CNTN4: variants seen among roughly 807,000 people sequenced by gnomAD.
CNTN4 encodes contactin-4.
A neutral mutation model predicts 122.5 loss-of-function variants in CNTN4; 77 were observed. That is an observed-to-expected ratio of 0.63 (90% CI 0.52 to 0.76). The LOEUF (loss-of-function observed/expected upper bound fraction) is 0.76. CNTN4 is among the 30% of genes least tolerant of loss of function. CNTN4 has a pLI of 0.00. For synonymous variants in CNTN4, 512 were observed against 447.0 expected (o/e 1.15, Z -1.83); for missense variants, 1,256 against 1,259.1 (o/e 1.00, Z 0.04).
intron 2 of CNTN4, among the ~76,000 whole-genome samples, chr3:2,233,598 T>C (rs567816636): frequency 6.6e-6 from 1 of 152,156 alleles, no homozygotes; most frequent in African/African-American, 2.4e-5. Flanking sequence ...AAATCAAATC[T>C]GTTGAGAATC....
At chr3:2,173,153 G>A (rs996732006) in intron 2 of CNTN4, among the ~76,000 whole-genome samples, 6 of 152,164 alleles carry the variant, frequency 3.9e-5, no homozygotes, top group African/African-American at 1.2e-4. Flanking sequence ...ATACAGTTGA[G>A]TACTTTGCCA....
intron 2 of CNTN4, among the ~76,000 whole-genome samples, chr3:2,118,143 A>G (rs2033491307): frequency 1.3e-5 from 2 of 152,226 alleles, no homozygotes; most frequent in Admixed American, 1.3e-4. Context: ...ATTTAAACCT[A>G]TAATAGTCCT....
At chr3:2,794,038 A>C (rs964328020) in intron 6 of CNTN4, among the ~76,000 whole-genome samples, 2 of 152,182 alleles carry the variant, frequency 1.3e-5, no homozygotes, top group Admixed American at 6.5e-5. Context: ...TTGTAGCATA[A>C]AGTTTACAGC....
intron 3 of CNTN4, among the ~76,000 whole-genome samples, chr3:2,528,739 TA>T (rs997169462): frequency 6.6e-6 from 1 of 152,098 alleles, no homozygotes; most frequent in Non-Finnish European, 1.5e-5. Flanking sequence ...TATTAGCCTT[TA>T]AAAAACTCTT....
chr3:2,437,583 T>G (rs900756052), intron 3 of CNTN4, among the ~76,000 whole-genome samples: 3 of 152,194 alleles, frequency 2.0e-5, no homozygotes, highest in Non-Finnish European at 4.4e-5. Context: ...TCTAAAAATT[T>G]TAACATGCAA....
chr3:2,556,601 A>G (rs2078730802), intron 3 of CNTN4, among the ~76,000 whole-genome samples: 1 of 152,168 alleles, frequency 6.6e-6, no homozygotes, highest in Non-Finnish European at 1.5e-5. Context: ...TAAGTTTTAT[A>G]TATGTGTGCA....
At chr3:2,249,642 G>A (rs1158894653) in intron 2 of CNTN4, among the ~76,000 whole-genome samples, 3 of 151,896 alleles carry the variant, frequency 2.0e-5, no homozygotes, top group Non-Finnish European at 4.4e-5. Flanking sequence ...AGAATTAAAT[G>A]GTGGGATAAA....
At chr3:2,710,949 A>C (rs759004733) in intron 4 of CNTN4, among the ~76,000 whole-genome samples, 23 of 152,230 alleles carry the variant, frequency 1.5e-4, no homozygotes, top group Non-Finnish European at 2.5e-4. Context: ...CAGAGAAGTC[A>C]GCTTTATCTA....
At chr3:2,481,157 T>C (rs949024290) in intron 3 of CNTN4, among the ~76,000 whole-genome samples, 3 of 151,056 alleles carry the variant, frequency 2.0e-5, no homozygotes, top group African/African-American at 7.3e-5. Context: ...CTTTGTTTTT[T>C]TGAAACAGAG....
At chr3:2,821,655 A>G (rs1436467385) in intron 7 of CNTN4, among the ~76,000 whole-genome samples, 1 of 152,186 alleles carries the variant, frequency 6.6e-6, no homozygotes, top group Non-Finnish European at 1.5e-5. Flanking sequence ...GTGTCGGCTA[A>G]AAGGAACTAC....
At chr3:2,593,445 A>T (rs565454956) in intron 4 of CNTN4, among the ~76,000 whole-genome samples, 9 of 152,190 alleles carry the variant, frequency 5.9e-5, no homozygotes, top group Non-Finnish European at 1.3e-4. Flanking sequence ...TAATTTTCCC[A>T]TGGTAATGCC....
At chr3:3,047,304 C>T (rs1409642680) in intron 23 of CNTN4, among the ~76,000 whole-genome samples, 3 of 152,110 alleles carry the variant, frequency 2.0e-5, no homozygotes, top group African/African-American at 4.8e-5. Flanking sequence ...AACTCTCCAC[C>T]CCAAATCAAC....
rs149555932 is a variant in CNTN4, at chr3:2,910,848, G to A, written c.1207+7843G>A. Among the ~76,000 whole-genome samples the A allele has an allele frequency of 3.6e-3, 552 of 152,252 alleles. 3 individuals carry two copies. Among genetic ancestry groups the A allele is most frequent in the African/African-American group, 0.013 (526 of 41,542 alleles). On this transcript the variant is annotated intron_variant, in intron 12 of 24. Coordinates refer to ENST00000418658, the MANE Select transcript of CNTN4 (RefSeq NM_175607.3). ...ATTCATCAAGATAGTCAAAAGGGAA[G>A]CCCCAGACCCTTTTTCCCCAATGGA...
chr3:2,620,522 T>G (rs1233199498), intron 4 of CNTN4, among the ~76,000 whole-genome samples: 1 of 152,030 alleles, frequency 6.6e-6, no homozygotes, highest in Non-Finnish European at 1.5e-5. Flanking sequence ...TATATATTTA[T>G]TAAGGGTCCA....
intron 2 of CNTN4, among the ~76,000 whole-genome samples, chr3:2,193,296 A>C (rs1437715227): frequency 3.9e-5 from 6 of 152,074 alleles, no homozygotes; most frequent in Non-Finnish European, 7.4e-5. Context: ...GACTTGTCCT[A>C]AAGCCTCATT....
Position 2,836,415 on chromosome 3 carries a change from T to C in CNTN4, c.454+16834T>C, listed in dbSNP as rs2150436508. Among the ~76,000 whole-genome samples, 2 of 152,198 alleles carry C rather than the reference T, an allele frequency of 1.3e-5. 1 individual carries two copies. Among genetic ancestry groups the C allele is most frequent in the Middle Eastern group, 6.8e-3 (2 of 292 alleles). On this transcript the variant is annotated intron_variant, in intron 7 of 24. Transcript: ENST00000418658. Reference sequence around the variant, plus strand: ...GCAAAAAGGGAATGCCTCTCTCTTATTTATGAATGTTGGTAACGCTTACAT... The same window carrying C: ...GCAAAAAGGGAATGCCTCTCTCTTACTTATGAATGTTGGTAACGCTTACAT...
chr3:2,670,215 G>A (rs552192739), intron 4 of CNTN4, among the ~76,000 whole-genome samples: 15 of 152,288 alleles, frequency 9.8e-5, no homozygotes, highest in Middle Eastern at 3.4e-3. Context: ...CATTATTATT[G>A]TGTGGGAGTC....
intron 13 of CNTN4, among the ~76,000 whole-genome samples, chr3:2,970,777 C>G (rs1692824827): frequency 6.6e-6 from 1 of 151,840 alleles, no homozygotes; most frequent in East Asian, 1.9e-4. Context: ...TTATATGGAT[C>G]ATGTACTGTA....
intron 2 of CNTN4, among the ~76,000 whole-genome samples, chr3:2,188,074 G>C (rs1325790395): frequency 6.6e-6 from 1 of 152,104 alleles, no homozygotes; most frequent in Admixed American, 6.6e-5. Context: ...GGATCAAGGA[G>C]GCTTTCTGAG....
Sources: gnomAD v4.1 joint callset for allele counts (sites outside exome capture counted in the v4.1 genomes callset) on GRCh38, gnomAD v4.1.1 for gene constraint, MANE v1.5 for transcripts, NCBI Gene and HGNC (gene_info 2026-07-23, HGNC 2026-07-21) for gene names.